Variants in GALNT2 observed in about 807,000 individuals in gnomAD.
The protein encoded by GALNT2 is polypeptide N-acetylgalactosaminyltransferase 2.
Under a neutral mutation model 81.4 loss-of-function variants are expected in GALNT2, and 31 were observed. That is an observed-to-expected ratio of 0.38 (90% CI 0.29 to 0.51). GALNT2 has a LOEUF of 0.51. Among genes scored for constraint, GALNT2 ranks in the 20% least tolerant of loss-of-function variants. The pLI is 0.87. For synonymous variants in GALNT2, 303 were observed against 287.4 expected (o/e 1.05, Z -0.55); for missense variants, 629 against 765.7 (o/e 0.82, Z 2.11).
intron 1 of GALNT2, among the ~76,000 whole-genome samples, chr1:230,071,465 G>T (rs1659372942): frequency 6.6e-6 from 1 of 152,166 alleles, no homozygotes; most frequent in Non-Finnish European, 1.5e-5. Flanking sequence ...GTCCCTGAAC[G>T]AGGGGTTCCT....
At chr1:230,119,430 C>G (rs749395109) in intron 1 of GALNT2, among the ~76,000 whole-genome samples, 1 of 152,168 alleles carries the variant, frequency 6.6e-6, no homozygotes, top group African/African-American at 2.4e-5. Context: ...GTTTCTTCCT[C>G]TTTGAGGGAT....
intron 7 of GALNT2, among the ~76,000 whole-genome samples, chr1:230,245,775 A>G (rs3827741): frequency 6.6e-6 from 1 of 152,164 alleles, no homozygotes; most frequent in East Asian, 1.9e-4. Context: ...ACTGATGGCT[A>G]CCTGTCCCAT....
rs192655200 is a variant in GALNT2, at chr1:230,275,185, A to G, written c.1560+621A>G. On this transcript the variant is annotated intron_variant, in intron 15 of 15. Transcript: ENST00000366672. The surrounding 1 kb of genome is among the most constrained non-coding windows in gnomAD (Gnocchi z 5.5). ...ATACATATACCTGCCACATATATAC[A>G]TATATAAACACCACATATATATACA... Among the ~76,000 whole-genome samples, 25 of 151,708 alleles carry G rather than the reference A, an allele frequency of 1.6e-4. No homozygotes were observed. Among genetic ancestry groups the G allele is most frequent in the Admixed American group, 1.6e-3 (25 of 15,232 alleles).
At chr1:230,162,822 G>A (rs1662476427) in intron 1 of GALNT2, among the ~76,000 whole-genome samples, 1 of 152,166 alleles carries the variant, frequency 6.6e-6, no homozygotes, top group African/African-American at 2.4e-5. Flanking sequence ...GGCCTTGCTG[G>A]GCTTCCCCAC....
intron 1 of GALNT2, among the ~76,000 whole-genome samples, chr1:230,067,864 C>T (rs1367514405): frequency 6.6e-6 from 1 of 152,252 alleles, no homozygotes; most frequent in South Asian, 2.1e-4. Flanking sequence ...TGCAAATCCT[C>T]GTCCCTTTCC....
chr1:230,095,494 T>C (rs981834464), intron 1 of GALNT2, among the ~76,000 whole-genome samples: 2 of 152,172 alleles, frequency 1.3e-5, no homozygotes, highest in African/African-American at 2.4e-5. Flanking sequence ...AGCATCCCAG[T>C]GTGCTGCTCT....
rs1438062030 is a variant in GALNT2, at chr1:230,166,716, C to G, written c.127-11502C>G. 2.6e-5 allele frequency among the ~76,000 whole-genome samples: 4 copies of G among 152,198 alleles called. 1 individual carries two copies. In the South Asian group the frequency reaches 8.3e-4, roughly 32 times the overall value. On this transcript the variant is annotated intron_variant, in intron 1 of 15. Transcript: ENST00000366672. ...TTTCCCCCAACTTCCTTGCTTTCTT[C>G]CCTTTTCCCAAAATCCAGATCTAAT...
intron 3 of GALNT2, among the ~76,000 whole-genome samples, chr1:230,217,354 A>G (rs1023772622): frequency 6.6e-6 from 1 of 152,176 alleles, no homozygotes; most frequent in African/African-American, 2.4e-5. Context: ...GAGAGTTCTC[A>G]TCAGGGGAGG....
chr1:230,165,964 G>A (rs1262048570), intron 1 of GALNT2, among the ~76,000 whole-genome samples: 2 of 152,210 alleles, frequency 1.3e-5, no homozygotes, highest in Non-Finnish European at 2.9e-5. Flanking sequence ...GCTTGCAACT[G>A]TGGAAAGACC....
chr1:230,256,283 T>G (rs1665712212), intron 11 of GALNT2, among the ~76,000 whole-genome samples: 1 of 152,094 alleles, frequency 6.6e-6, no homozygotes, highest in South Asian at 2.1e-4. Flanking sequence ...GCATCTCTAC[T>G]AAAAATACAA....
intron 2 of GALNT2, among the ~76,000 whole-genome samples, chr1:230,200,873 G>A (rs931652554): frequency 6.6e-6 from 1 of 152,222 alleles, no homozygotes; most frequent in African/African-American, 2.4e-5. Context: ...GTTCCGTGGT[G>A]CAGGGTATTC....
intron 2 of GALNT2, among the ~76,000 whole-genome samples, chr1:230,180,688 A>G (rs961502894): frequency 1.3e-5 from 2 of 152,224 alleles, no homozygotes; most frequent in African/African-American, 2.4e-5. Flanking sequence ...CATTGAATCT[A>G]TAGATCAAGT....
chr1:230,086,619 C>T (rs1420864700), intron 1 of GALNT2, among the ~76,000 whole-genome samples: 1 of 152,006 alleles, frequency 6.6e-6, no homozygotes, highest in Non-Finnish European at 1.5e-5. Context: ...TTTTCCTTTT[C>T]ATTCTTTGTT....
intron 1 of GALNT2, among the ~76,000 whole-genome samples, chr1:230,096,801 A>G (rs560767293): frequency 6.6e-6 from 1 of 152,282 alleles, no homozygotes; most frequent in East Asian, 1.9e-4. Context: ...TAGAAGGTGC[A>G]TTTTCTTTTA....
At chr1:230,175,957 T>C (rs1662966078) in intron 1 of GALNT2, among the ~76,000 whole-genome samples, 1 of 152,112 alleles carries the variant, frequency 6.6e-6, no homozygotes, top group Admixed American at 6.5e-5. Flanking sequence ...GCTTAGCCTA[T>C]CTTATGTGTC....
chr1:230,199,540 T>G (rs1663820493), intron 2 of GALNT2, among the ~76,000 whole-genome samples: 2 of 152,264 alleles, frequency 1.3e-5, no homozygotes, highest in South Asian at 4.1e-4. Context: ...GTAAGTTTGG[T>G]ATTGTGAGAC....
At chr1:230,276,692 G>A (rs1409827250) in intron 15 of GALNT2, among the ~76,000 whole-genome samples, 1 of 152,216 alleles carries the variant, frequency 6.6e-6, no homozygotes, top group Non-Finnish European at 1.5e-5. Context: ...GGCAGTGGGA[G>A]CCCCTCTCTA....
chr1:230,272,524 A>G (rs1364695513), intron 14 of GALNT2, among the ~76,000 whole-genome samples: 1 of 152,130 alleles, frequency 6.6e-6, no homozygotes, highest in Non-Finnish European at 1.5e-5. Context: ...GAGGAACACT[A>G]ATTAAAAGGT....
At chr1:230,246,605 C>T (rs1217741961) in intron 8 of GALNT2, among the ~76,000 whole-genome samples, 1 of 152,152 alleles carries the variant, frequency 6.6e-6, no homozygotes, top group Non-Finnish European at 1.5e-5. Flanking sequence ...AGACCTGTGT[C>T]ATCCTCAACC....
Sources: allele counts gnomAD v4.1 joint callset (sites outside exome capture counted in the v4.1 genomes callset), GRCh38; gene constraint gnomAD v4.1.1; non-coding constraint Gnocchi (gnomAD v3.1); transcripts MANE v1.5; gene names NCBI Gene and HGNC (gene_info 2026-07-23, HGNC 2026-07-21).